Variants in PGGT1B observed in about 807,000 individuals in gnomAD.
PGGT1B encodes the protein geranylgeranyl transferase type-1 subunit beta.
Under a neutral mutation model 46.1 loss-of-function variants are expected in PGGT1B, and 30 were observed. The observed-to-expected ratio is 0.65, with a 90% confidence interval of 0.49 to 0.88. The LOEUF (loss-of-function observed/expected upper bound fraction) is 0.88. Ranked by LOEUF, PGGT1B falls within the 40% of genes least tolerant of loss-of-function variation. The pLI is 0.00. For missense variants in PGGT1B, 376 were observed against 455.9 expected (o/e 0.82, Z 1.60); for synonymous variants, 170 against 160.0 (o/e 1.06, Z -0.47).
At chr5:115,217,333 T>C (rs1756452634) in intron 7 of PGGT1B, among the ~76,000 whole-genome samples, 1 of 152,036 alleles carries the variant, frequency 6.6e-6, no homozygotes, top group African/African-American at 2.4e-5. Flanking sequence ...GCTCTTGAGC[T>C]ATTAGTTATA....
At chr5:115,217,061 G>A in intron 7 of PGGT1B, 88 bp from the exon 8 acceptor site, 1 of 682,096 alleles carries the variant, frequency 1.5e-6, no homozygotes, top group South Asian at 1.7e-5. Flanking sequence ...ATTTAGATAT[G>A]CTTTTCTTTA....
intron 6 of PGGT1B, among the ~76,000 whole-genome samples, chr5:115,225,334 ACT>A (rs1030004611): frequency 3.3e-5 from 5 of 152,046 alleles, no homozygotes; most frequent in African/African-American, 1.2e-4. Context: ...GACCATAGAG[ACT>A]CTCTCTTAAC....
chr5:115,238,057 C>G, intron 3 of PGGT1B, 48 bp from the exon 4 acceptor site: 1 of 1,332,570 alleles, frequency 7.5e-7, no homozygotes, highest in Admixed American at 2.2e-5. Flanking sequence ...GAAATGAAAA[C>G]TTATTTCATT....
chr5:115,219,161 GA>G (rs1756513578), intron 7 of PGGT1B, among the ~76,000 whole-genome samples: 1 of 151,742 alleles, frequency 6.6e-6, no homozygotes, highest in African/African-American at 2.4e-5. Context: ...TCTTGAAAAA[GA>G]AAAGTTGGAA....
chr5:115,236,530 T>C lies in PGGT1B; in HGVS notation c.480-8A>G. On this transcript the variant is annotated splice_polypyrimidine_tract_variant and splice_region_variant and intron_variant, in intron 4 of 8. Coordinates refer to ENST00000419445, the MANE Select transcript of PGGT1B (RefSeq NM_005023.4). ...TCAGGTACTGCACAAAAACTGAAAA[T>C]AATAACAACAATATGATTTTCTATT... The C allele has an allele frequency of 5.9e-6, 9 of 1,515,596 alleles. No individual in the cohort carries two copies. The highest frequency in any genetic ancestry group is 7.9e-6 in the Non-Finnish European group (9 of 1,139,196). 93.9% of individuals were successfully genotyped at this position (1,515,596 alleles called of 1,614,324 possible). A position where few individuals can be genotyped will look rare whatever the true frequency, so the allele number is the denominator to read the frequency against.
chr5:115,251,676 C>T (rs111927466), intron 2 of PGGT1B, among the ~76,000 whole-genome samples: 2,037 of 151,808 alleles, frequency 0.013, 46 homozygotes, highest in African/African-American at 0.046. Flanking sequence ...TTCAGGAGTA[C>T]GAGTTTCAGT....
intron 5 of PGGT1B, among the ~76,000 whole-genome samples, chr5:115,235,918 C>G (rs1415214996): frequency 6.6e-6 from 1 of 152,022 alleles, no homozygotes; most frequent in Non-Finnish European, 1.5e-5. Flanking sequence ...ACCTGGAATG[C>G]AGAAGTTTTA....
chr5:115,212,221 A>C lies in PGGT1B; in HGVS notation c.*181T>G, dbSNP rs1432451013. 33 of 1,112,948 alleles carry C rather than the reference A, an allele frequency of 3.0e-5. No homozygotes were observed. Among genetic ancestry groups the C allele is most frequent in the Non-Finnish European group, 2.8e-5 (23 of 817,938 alleles). 68.9% of individuals were successfully genotyped at this position (1,112,948 alleles called of 1,614,324 possible). On this transcript the variant is annotated 3_prime_UTR_variant, in exon 9 of 9. Coordinates refer to ENST00000419445, the MANE Select transcript of PGGT1B (RefSeq NM_005023.4). ...AGTTGTGGTTCAAACTTCAACAAAG[A>C]TTTTCTTGAAACCCAGTATAAAGAT...
chr5:115,244,537 C>T (rs1411857473), intron 2 of PGGT1B, among the ~76,000 whole-genome samples: 3 of 145,426 alleles, frequency 2.1e-5, no homozygotes, highest in African/African-American at 7.6e-5. Flanking sequence ...GTACATAATG[C>T]TATACTTAAA....
chr5:115,217,671 C>T (rs2126990566), intron 7 of PGGT1B, among the ~76,000 whole-genome samples: 1 of 151,848 alleles, frequency 6.6e-6, no homozygotes, highest in Middle Eastern at 3.4e-3. Context: ...TGTTAATGAA[C>T]CAGAGAGAGC....
At chr5:115,215,705 G>A (rs749035573) in intron 8 of PGGT1B, among the ~76,000 whole-genome samples, 5 of 151,936 alleles carry the variant, frequency 3.3e-5, no homozygotes, top group Admixed American at 6.6e-5. Context: ...TTTATATTCT[G>A]ATTCAATCAC....
chr5:115,242,861 G>A (rs904633908), intron 2 of PGGT1B, among the ~76,000 whole-genome samples: 13 of 152,094 alleles, frequency 8.5e-5, no homozygotes, highest in Non-Finnish European at 1.5e-4. Flanking sequence ...CAGCTACTGG[G>A]GAAGCTGAGG....
chr5:115,215,966 CAT>C (rs1196586999), intron 8 of PGGT1B, among the ~76,000 whole-genome samples: 1 of 152,038 alleles, frequency 6.6e-6, no homozygotes, highest in African/African-American at 2.4e-5. Flanking sequence ...GAGGTGAAAA[CAT>C]ATGTCGGGTG....
intron 1 of PGGT1B, among the ~76,000 whole-genome samples, chr5:115,260,988 A>C (rs990715260): frequency 6.6e-6 from 1 of 152,228 alleles, no homozygotes; most frequent in Non-Finnish European, 1.5e-5. Flanking sequence ...GCAAAGTTCA[A>C]CTGTTTAACA....
chr5:115,248,032 C>A (rs1482973877), intron 2 of PGGT1B, among the ~76,000 whole-genome samples: 3 of 152,148 alleles, frequency 2.0e-5, no homozygotes, highest in African/African-American at 7.2e-5. Context: ...ATACTTACTT[C>A]CCCCATGTTA....
intron 6 of PGGT1B, among the ~76,000 whole-genome samples, chr5:115,227,999 T>G (rs564145420): frequency 3.3e-5 from 5 of 152,300 alleles, no homozygotes; most frequent in Admixed American, 2.6e-4. Flanking sequence ...AGATTAAAAT[T>G]AAACTCAAAA....
chr5:115,245,939 A>C (rs1747813726), intron 2 of PGGT1B, among the ~76,000 whole-genome samples: 1 of 152,228 alleles, frequency 6.6e-6, no homozygotes, highest in South Asian at 2.1e-4. Flanking sequence ...GCTATGATGA[A>C]GTAACTAAGA....
At chr5:115,262,222 G>T (rs1748589318) in intron 1 of PGGT1B, among the ~76,000 whole-genome samples, 1 of 151,990 alleles carries the variant, frequency 6.6e-6, no homozygotes, top group African/African-American at 2.4e-5. Flanking sequence ...CACCTCTTTC[G>T]CCTACCATTA....
At position 115,237,845 on chromosome 5, in the gene PGGT1B, G is replaced by C. The variant is rs1757228945; in HGVS notation, c.479+13C>G. The C allele has an allele frequency of 1.3e-6, 2 of 1,597,786 alleles. No homozygotes were observed. Among genetic ancestry groups the C allele is most frequent in the South Asian group, 1.1e-5 (1 of 88,690 alleles). On this transcript the variant is annotated intron_variant, in intron 4 of 8. Transcript: ENST00000419445. ...TGTTTATTACAAAAAAAGTAACAAA[G>C]AATCACTCATACCTCCCATCTTCCA...
Sources: allele counts gnomAD v4.1 joint callset (sites outside exome capture counted in the v4.1 genomes callset), GRCh38; gene constraint gnomAD v4.1.1; transcripts MANE v1.5; gene names NCBI Gene and HGNC (gene_info 2026-07-23, HGNC 2026-07-21).